Variants in PDE4C observed in about 807,000 individuals in gnomAD.
The protein encoded by PDE4C is phosphodiesterase 4C.
Under a neutral mutation model 63.9 loss-of-function variants are expected in PDE4C, and 50 were observed. That is an observed-to-expected ratio of 0.78 (90% CI 0.62 to 0.99). The LOEUF is 0.99. Ranked by LOEUF, PDE4C falls within the 50% of genes least tolerant of loss-of-function variation. The pLI, the probability that PDE4C is intolerant of heterozygous loss-of-function variation, is 0.00. For missense variants in PDE4C, 777 were observed against 899.1 expected, an observed-to-expected ratio of 0.86 and a Z score of 1.74; for synonymous variants, 377 against 385.1, an observed-to-expected ratio of 0.98 and a Z score of 0.25.
In PDE4C at chr19:18,220,760, A is replaced by G. The variant is rs1474070391; in HGVS notation, c.499+114T>C. On this transcript the variant is annotated intron_variant, in intron 5 of 14. Coordinates refer to ENST00000262805, the Ensembl canonical transcript of PDE4C. The surrounding 1 kb of genome is among the most constrained non-coding windows in gnomAD (Gnocchi z 5.1). ...TCCCCGAGGGCGTTATTGTTTTTGCAGGGGCGGGGCTACAATTAGCCCCAG... is the reference window on the plus strand; with the variant it reads ...TCCCCGAGGGCGTTATTGTTTTTGCGGGGGCGGGGCTACAATTAGCCCCAG... The G allele has an allele frequency of 2.8e-6, 3 of 1,063,430 alleles. No homozygotes were observed. The South Asian group carries it at 4.0e-5, about 14-fold the overall frequency. 65.9% of individuals were successfully genotyped at this position (1,063,430 alleles called of 1,614,324 possible). A position where few individuals can be genotyped will look rare whatever the true frequency, so the allele number is the denominator to read the frequency against.
At chr19:18,250,545 G>A (rs1439089040), upstream of PDE4C, 1 of 372,842 alleles carries the variant, frequency 2.7e-6, no homozygotes, top group Non-Finnish European at 4.6e-6. Flanking sequence ...AGGGCCCAGA[G>A]CCTTTTAAAA....
chr19:18,233,847 G>A (rs1006811709), upstream of PDE4C, among the ~76,000 whole-genome samples: 3 of 152,186 alleles, frequency 2.0e-5, no homozygotes, highest in Admixed American at 6.5e-5. Context: ...ATGGCAACAA[G>A]GAGTCTGGAA....
chr19:18,238,300 A>G (rs1456633711), upstream of PDE4C, among the ~76,000 whole-genome samples: 1 of 151,244 alleles, frequency 6.6e-6, no homozygotes. Flanking sequence ...CAGTGGCACA[A>G]TCTCGCCTTA....
At chr19:18,252,357 G>T (rs1353293219), upstream of PDE4C, 1 of 399,068 alleles carries the variant, frequency 2.5e-6, no homozygotes, top group East Asian at 3.6e-5. Context: ...CAAACTCATG[G>T]TGCTGGAGTA....
chr19:18,253,475 C>G, the PDE4C span, among the ~76,000 whole-genome samples: 1 of 151,584 alleles, frequency 6.6e-6, no homozygotes, highest in Non-Finnish European at 1.5e-5. Context: ...CGCTTGAGTC[C>G]AGGAGTTCAA....
In PDE4C at chr19:18,226,470, G is replaced by T; in HGVS notation, c.-55C>A. ...CGCCGGCTGCGCGGGACCTTTTCTG[G>T]ACAGCTGCGGGGGCGGGGCCCAGCG... is the stretch of plus-strand genomic sequence containing the variant. On this transcript the variant is annotated 5_prime_UTR_variant, in exon 1 of 15. Transcript: ENST00000262805. The T allele has an allele frequency of 6.8e-6, 9 of 1,322,162 alleles. No homozygotes were observed. In the South Asian group the frequency reaches 1.8e-4, roughly 26 times the overall value. 81.9% of individuals were successfully genotyped at this position (1,322,162 alleles called of 1,614,324 possible).
rs1395932050 is a variant in PDE4C, at chr19:18,222,324, C to T, written c.147-1G>A. The T allele has an allele frequency of 6.8e-6, 11 of 1,607,172 alleles. No homozygotes were observed. The highest frequency in any genetic ancestry group is 4.0e-5 in the African/African-American group (3 of 74,740). On this transcript the variant is annotated splice_acceptor_variant, in intron 1 of 14. Coordinates refer to ENST00000262805, the Ensembl canonical transcript of PDE4C. LOFTEE classifies it high-confidence loss of function. ...CGAGAGCCCATTTTCCAGGTCAAAG[C>T]TGAAAGGAGAGACGGCATGGTCAGA...
intron 9 of PDE4C, 135 bp downstream of exon 9, chr19:18,218,805 A>G (rs1441027681): frequency 1.3e-6 from 1 of 781,740 alleles, no homozygotes; most frequent in East Asian, 2.6e-5. Flanking sequence ...TTCATCCTTC[A>G]ATACCCTGCT....
At chr19:18,244,507 TGTTTGTTTTG>T (rs939299268) in intron 1 of PDE4C, among the ~76,000 whole-genome samples, 2 of 151,904 alleles carry the variant, frequency 1.3e-5, no homozygotes, top group Non-Finnish European at 2.9e-5. Context: ...TTGTTGTTGT[TGTTTGTTTTG>T]GTTTGTTTTT....
At chr19:18,212,054 C>A (rs1600055545) in intron 13 of PDE4C, 113 bp from the exon 14 acceptor site, 1 of 1,010,692 alleles carries the variant, frequency 9.9e-7, no homozygotes, top group South Asian at 1.5e-5. Context: ...GGTGGGGAAA[C>A]TGAGGCCTGA....
chr19:18,232,193 C>T (rs1184803670), intron 1 of PDE4C, among the ~76,000 whole-genome samples: 3 of 151,974 alleles, frequency 2.0e-5, no homozygotes, highest in Non-Finnish European at 4.4e-5. Context: ...GGCAAAACCC[C>T]GTCTCTAGCA....
At chr19:18,227,537 G>T (rs985711888), upstream of PDE4C, among the ~76,000 whole-genome samples, 1 of 152,216 alleles carries the variant, frequency 6.6e-6, no homozygotes, top group African/African-American at 2.4e-5. Flanking sequence ...TGGTGTCTGG[G>T]AGGATTCCCA....
At position 18,211,065 on chromosome 19, in the gene PDE4C, TC is replaced by T; in HGVS notation, c.1906del (p.Glu636ArgfsTer14). 3 of 1,614,230 alleles carry T rather than the reference TC, an allele frequency of 1.9e-6. No homozygotes were observed. The highest frequency in any genetic ancestry group is 2.5e-6 in the Non-Finnish European group (3 of 1,180,026). ...CCCCTCCTCTTCTTCCTCCTCATCC[TC>T]TTCCTCTGCCTCCTCCAGAGTCAGT... On this transcript the variant is annotated frameshift_variant, in exon 15 of 15. Coordinates refer to ENST00000262805, the Ensembl canonical transcript of PDE4C. LOFTEE classifies it low-confidence loss of function (END_TRUNC).
upstream of PDE4C, among the ~76,000 whole-genome samples, chr19:18,238,320 C>T (rs1968987398): frequency 6.6e-6 from 1 of 151,516 alleles, no homozygotes; most frequent in Non-Finnish European, 1.5e-5. Context: ...ACTGCAACTT[C>T]CATCTCCCAG....
chr19:18,210,850 C>G, exon 15 of PDE4C: 2 of 1,510,870 alleles, frequency 1.3e-6, no homozygotes, highest in African/African-American at 1.4e-5. Flanking sequence ...CCACATGGAG[C>G]CTCTTCCTGG....
chr19:18,232,807 A>T, intron 1 of PDE4C: 1 of 1,013,222 alleles, frequency 9.9e-7, no homozygotes, highest in Non-Finnish European at 1.4e-6. Flanking sequence ...CTACGTAGAA[A>T]TAGCTTTTTC....
At chr19:18,253,983 G>A in the PDE4C span, among the ~76,000 whole-genome samples, 1 of 152,178 alleles carries the variant, frequency 6.6e-6, no homozygotes, top group Non-Finnish European at 1.5e-5. Context: ...CTAGGCAGCA[G>A]AAATGCGGAA....
chr19:18,226,350 G>T, exon 1 of PDE4C: 1 of 1,523,804 alleles, frequency 6.6e-7, no homozygotes, highest in Non-Finnish European at 8.8e-7. Context: ...GCCCGGGGGA[G>T]CCGCGCGGGG....
chr19:18,212,714 A>C (rs1367463978), intron 13 of PDE4C, among the ~76,000 whole-genome samples: 2 of 147,814 alleles, frequency 1.4e-5, no homozygotes, highest in Non-Finnish European at 3.0e-5. Context: ...TTTGAGATGG[A>C]GTCTTGCTTT....
Sources: gnomAD v4.1 joint callset for allele counts (sites outside exome capture counted in the v4.1 genomes callset) on GRCh38, gnomAD v4.1.1 for gene constraint, Gnocchi (gnomAD v3.1) non-coding constraint, MANE v1.5 for transcripts, NCBI Gene and HGNC (gene_info 2026-07-23, HGNC 2026-07-21) for gene names.